The following BDNF variants were observed in gnomAD, a reference collection of about 807,000 sequenced individuals.
The protein encoded by BDNF is brain derived neurotrophic factor.
In BDNF, 1 loss-of-function variant was observed where a neutral mutation model predicts 19.5. That is an observed-to-expected ratio of 0.05 (90% CI 0.02 to 0.24). BDNF has a LOEUF of 0.24. Ranked by LOEUF, BDNF falls within the 10% of genes least tolerant of loss-of-function variation. The probability of loss-of-function intolerance (pLI) is 1.00; values close to 1 mark genes in which losing one functional copy is unlikely to be tolerated. For missense variants in BDNF, 195 were observed against 317.6 expected (o/e 0.61, Z 2.93); for synonymous variants, 100 against 121.6 (o/e 0.82, Z 1.17).
intron 1 of BDNF, chr11:27,659,582 A>G (rs1199471003): frequency 5.0e-6 from 5 of 1,000,224 alleles, no homozygotes; most frequent in South Asian, 9.4e-5. Flanking sequence ...TAATACACAC[A>G]TCTAGCTAAG....
intron 1 of BDNF, among the ~76,000 whole-genome samples, chr11:27,669,229 A>G (rs955442896): frequency 1.3e-5 from 2 of 152,246 alleles, no homozygotes; most frequent in South Asian, 4.1e-4. Flanking sequence ...AAAACTCTAA[A>G]TAAACTAGGT....
intron 1 of BDNF, among the ~76,000 whole-genome samples, chr11:27,671,902 A>G (rs1855445271): frequency 6.6e-6 from 1 of 152,190 alleles, no homozygotes. Flanking sequence ...ACAGGACTAA[A>G]TGATAAAGAG....
intron 1 of BDNF, chr11:27,674,218 C>A: frequency 6.3e-7 from 1 of 1,599,918 alleles, no homozygotes; most frequent in South Asian, 1.1e-5. Context: ...TGTAGAAACT[C>A]AGCATTCTGA....
At chr11:27,703,757 A>G (rs559204849), upstream of BDNF, among the ~76,000 whole-genome samples, 1 of 152,340 alleles carries the variant, frequency 6.6e-6, no homozygotes, top group Non-Finnish European at 1.5e-5. Flanking sequence ...AGAAGATCAG[A>G]TGCCAATTCA....
intron 1 of BDNF, among the ~76,000 whole-genome samples, chr11:27,694,266 A>C (rs978618804): frequency 6.6e-6 from 1 of 152,222 alleles, no homozygotes; most frequent in Non-Finnish European, 1.5e-5. Context: ...CAAATTACAC[A>C]TAAGAAATTA....
intron 1 of BDNF, among the ~76,000 whole-genome samples, chr11:27,668,840 AG>A (rs1268746887): frequency 6.6e-6 from 1 of 152,238 alleles, no homozygotes; most frequent in Non-Finnish European, 1.5e-5. Context: ...AGGTATAAGG[AG>A]GAGCTGGTAC....
In BDNF at chr11:27,719,637, G is replaced by GA. The variant is rs1037665297; in HGVS notation, c.3+1774dup. On this transcript the variant is annotated intron_variant, in intron 1 of 1. Coordinates refer to the BDNF transcript ENST00000314915. ...ACTCGCGGGGAGGGAGGACAGAAGG[G>GA]AAAAAAAAAAGAAAACCCAGAAAGA... 3,786 of 921,862 alleles carry GA rather than the reference G, an allele frequency of 4.1e-3. 12 individuals are homozygous for GA. Among genetic ancestry groups the GA allele is most frequent in the East Asian group, 0.03 (250 of 8,324 alleles). The allele number at this position is 921,862 out of a possible 1,614,324, so 57.1% of individuals were successfully genotyped here. A position where few individuals can be genotyped will look rare whatever the true frequency, so the allele number is the denominator to read the frequency against.
intron 1 of BDNF, among the ~76,000 whole-genome samples, chr11:27,691,962 T>G (rs1858358467): frequency 6.6e-6 from 1 of 152,210 alleles, no homozygotes; most frequent in Non-Finnish European, 1.5e-5. Flanking sequence ...GTTAATTTCT[T>G]AAGCAATTTG....
At chr11:27,661,506 C>T (rs1853438646) in intron 1 of BDNF, among the ~76,000 whole-genome samples, 1 of 152,192 alleles carries the variant, frequency 6.6e-6, no homozygotes, top group South Asian at 2.1e-4. Flanking sequence ...CATCTTGGCT[C>T]AGCCCTCACC....
chr11:27,712,240 T>G (rs1265361672), intron 1 of BDNF, among the ~76,000 whole-genome samples: 1 of 152,250 alleles, frequency 6.6e-6, no homozygotes, highest in Non-Finnish European at 1.5e-5. Flanking sequence ...GTTAAATATG[T>G]GTGGGAAATG....
intron 1 of BDNF, among the ~76,000 whole-genome samples, chr11:27,681,848 A>G (rs910067160): frequency 6.6e-6 from 1 of 152,140 alleles, no homozygotes; most frequent in African/African-American, 2.4e-5. Flanking sequence ...TTTAATCCCT[A>G]CCAATACCCT....
intron 1 of BDNF, among the ~76,000 whole-genome samples, chr11:27,699,099 C>G (rs1859566555): frequency 6.6e-6 from 1 of 151,464 alleles, no homozygotes; most frequent in Non-Finnish European, 1.5e-5. Flanking sequence ...CCCAGCCTCC[C>G]GCCCCCAGTA....
intron 1 of BDNF, among the ~76,000 whole-genome samples, chr11:27,666,850 A>C (rs1385987796): frequency 6.6e-6 from 1 of 152,218 alleles, no homozygotes; most frequent in Non-Finnish European, 1.5e-5. Flanking sequence ...GCTCTGCAGG[A>C]TATTATCCAG....
rs144066412 is a variant in BDNF at position 27,659,739 on chromosome 11, T to G, written c.-21-1154A>C. ...CATTTTGGAATAGGCAGCTAGTGCTTCTTTTTCTGCTTTTGAAGTTTCCTG... is the reference window on the plus strand; with the variant it reads ...CATTTTGGAATAGGCAGCTAGTGCTGCTTTTTCTGCTTTTGAAGTTTCCTG... On this transcript the variant is annotated intron_variant, in intron 1 of 1. Coordinates refer to ENST00000356660, the MANE Select transcript of BDNF (RefSeq NM_001709.5). 5.4e-4 allele frequency: 496 copies of G among 917,874 alleles called. 8 individuals are homozygous for G. In the South Asian group the frequency reaches 0.02, roughly 36 times the overall value. 56.9% of individuals were successfully genotyped at this position (917,874 alleles called of 1,614,324 possible). A position where few individuals can be genotyped will look rare whatever the true frequency, so the allele number is the denominator to read the frequency against.
chr11:27,681,878 G>C (rs550572450), intron 1 of BDNF, among the ~76,000 whole-genome samples: 10 of 152,280 alleles, frequency 6.6e-5, no homozygotes, highest in African/African-American at 2.4e-4. Flanking sequence ...TTGAGATACA[G>C]AGAATTTAAA....
chr11:27,656,573 A>G lies in BDNF; in HGVS notation c.*1248T>C. 2.0e-6 allele frequency: 2 copies of G among 985,668 alleles called. No homozygotes were observed. Among genetic ancestry groups the G allele is most frequent in the Non-Finnish European group, 2.4e-6 (2 of 829,936 alleles). 61.1% of individuals were successfully genotyped at this position (985,668 alleles called of 1,614,324 possible). A position where few individuals can be genotyped will look rare whatever the true frequency, so the allele number is the denominator to read the frequency against. On this transcript the variant is annotated 3_prime_UTR_variant, in exon 2 of 2. Transcript: ENST00000356660. Reference sequence around the variant, plus strand: ...GAAATTCCTCCCGCACTGCCGGTAAATGCAATGCCAACTCCACATAGCCTC... The same window carrying G: ...GAAATTCCTCCCGCACTGCCGGTAAGTGCAATGCCAACTCCACATAGCCTC...
chr11:27,694,146 C>A (rs1202659982), intron 1 of BDNF, among the ~76,000 whole-genome samples: 1 of 152,174 alleles, frequency 6.6e-6, no homozygotes, highest in Non-Finnish European at 1.5e-5. Context: ...TCGCTGGCAT[C>A]TCCACTGGCA....
intron 1 of BDNF, among the ~76,000 whole-genome samples, chr11:27,690,841 C>T (rs1183864912): frequency 1.3e-5 from 2 of 151,824 alleles, no homozygotes; most frequent in African/African-American, 4.8e-5. Context: ...TTTATAAATA[C>T]TGTCAAGTGA....
intron 1 of BDNF, among the ~76,000 whole-genome samples, chr11:27,716,774 G>T (rs1267211232): frequency 6.6e-6 from 1 of 152,134 alleles, no homozygotes; most frequent in Non-Finnish European, 1.5e-5. Context: ...TGGCCTTTGA[G>T]AGAAGTATAT....
Sources: allele counts gnomAD v4.1 joint callset (sites outside exome capture counted in the v4.1 genomes callset), GRCh38; gene constraint gnomAD v4.1.1; transcripts MANE v1.5; gene names NCBI Gene and HGNC (gene_info 2026-07-23, HGNC 2026-07-21).